Variants in RGS7 observed in about 807,000 individuals in gnomAD.
RGS7 encodes the protein regulator of G-protein signaling 7.
In RGS7, 27 loss-of-function variants were observed where a neutral mutation model predicts 81.1. The ratio of observed to expected loss-of-function variants is 0.33; its 90% CI spans 0.25 to 0.46. The LOEUF is 0.46. RGS7 is among the 20% of genes least tolerant of loss of function. RGS7 has a pLI of 1.00. For synonymous variants in RGS7, 208 were observed against 207.7 expected (o/e 1.00, Z -0.01); for missense variants, 396 against 607.4 (o/e 0.65, Z 3.66).
At chr1:241,246,147 T>G (rs2076529120) in intron 2 of RGS7, among the ~76,000 whole-genome samples, 1 of 151,930 alleles carries the variant, frequency 6.6e-6, no homozygotes, top group Admixed American at 6.6e-5. Flanking sequence ...GTGTCTGTGA[T>G]GATGGGGTGT....
chr1:241,351,079 G>A (rs1444648543), intron 2 of RGS7, among the ~76,000 whole-genome samples: 2 of 152,102 alleles, frequency 1.3e-5, no homozygotes, highest in African/African-American at 2.4e-5. Context: ...CTCTCACTGT[G>A]ACTTCATATA....
intron 6 of RGS7, among the ~76,000 whole-genome samples, chr1:240,921,740 T>C (rs1003463278): frequency 6.6e-6 from 1 of 152,080 alleles, no homozygotes; most frequent in Non-Finnish European, 1.5e-5. Context: ...AAAATTCTTT[T>C]AAAAGAAATC....
chr1:240,904,977 C>A (rs541851893), intron 6 of RGS7, among the ~76,000 whole-genome samples: 37 of 152,112 alleles, frequency 2.4e-4, no homozygotes, highest in Admixed American at 4.6e-4. Flanking sequence ...AACACTTTTG[C>A]CAGTTCAGGG....
At chr1:241,319,152 T>C (rs990629239) in intron 2 of RGS7, among the ~76,000 whole-genome samples, 4 of 152,210 alleles carry the variant, frequency 2.6e-5, no homozygotes, top group Non-Finnish European at 5.9e-5. Context: ...GCCTCTGGCA[T>C]CTTTAACTTG....
intron 2 of RGS7, among the ~76,000 whole-genome samples, chr1:241,274,753 C>T (rs1038310575): frequency 2.0e-5 from 3 of 152,112 alleles, no homozygotes; most frequent in Non-Finnish European, 2.9e-5. Context: ...CATGGAAATG[C>T]CCTGTGGTTA....
intron 2 of RGS7, among the ~76,000 whole-genome samples, chr1:241,175,447 C>G (rs56972576): frequency 0.013 from 2,025 of 152,222 alleles, 53 homozygotes; most frequent in African/African-American, 0.046. Context: ...AATGGTCTCC[C>G]AGGACTCCAC....
intron 6 of RGS7, among the ~76,000 whole-genome samples, chr1:240,893,177 C>G (rs1011800057): frequency 6.6e-6 from 1 of 152,070 alleles, no homozygotes; most frequent in Non-Finnish European, 1.5e-5. Flanking sequence ...CAGTGAAAAT[C>G]GAAGAAGGCT....
At chr1:241,109,656 T>G (rs2065373033) in intron 2 of RGS7, among the ~76,000 whole-genome samples, 2 of 152,120 alleles carry the variant, frequency 1.3e-5, no homozygotes, top group Admixed American at 1.3e-4. Flanking sequence ...TATTTTCTAT[T>G]TGAAATAATT....
chr1:240,793,612 T>TATATATATATATA (rs11270798), intron 18 of RGS7, among the ~76,000 whole-genome samples: 5 of 28,580 alleles, frequency 1.7e-4, no homozygotes, highest in East Asian at 1.1e-3. Flanking sequence ...TATATATATA[T>TATATATATATATA]TTTTTTTTTT....
At chr1:241,337,225 T>G (rs765250213) in intron 2 of RGS7, among the ~76,000 whole-genome samples, 1 of 152,154 alleles carries the variant, frequency 6.6e-6, no homozygotes, top group African/African-American at 2.4e-5. Context: ...TTTCCACCAT[T>G]CTGTACTCCA....
chr1:240,807,434 G>C (rs368441550), intron 14 of RGS7, among the ~76,000 whole-genome samples: 3 of 152,230 alleles, frequency 2.0e-5, no homozygotes, highest in South Asian at 4.1e-4. Flanking sequence ...AGGCTACAGA[G>C]TCTTAAGAGA....
chr1:240,857,938 C>G (rs1484989334), intron 9 of RGS7, among the ~76,000 whole-genome samples: 2 of 152,156 alleles, frequency 1.3e-5, no homozygotes, highest in Non-Finnish European at 2.9e-5. Context: ...TTCTGCCCTT[C>G]TCCGTGCTAC....
At chr1:241,120,593 G>A (rs2066184069) in intron 2 of RGS7, among the ~76,000 whole-genome samples, 1 of 152,092 alleles carries the variant, frequency 6.6e-6, no homozygotes, top group African/African-American at 2.4e-5. Context: ...TGGTCCACCT[G>A]TCTCATCTTC....
chr1:241,229,559 G>A (rs541740456), intron 2 of RGS7, among the ~76,000 whole-genome samples: 2 of 152,332 alleles, frequency 1.3e-5, no homozygotes, highest in East Asian at 3.9e-4. Flanking sequence ...CAAGCTAATT[G>A]AGCTGCTCTA....
chr1:240,935,285 A>C (rs926767260), intron 5 of RGS7, among the ~76,000 whole-genome samples: 1 of 152,150 alleles, frequency 6.6e-6, no homozygotes, highest in Non-Finnish European at 1.5e-5. Context: ...ATTTCTTTAA[A>C]AAAATCAGGA....
chr1:240,952,749 A>C (rs1471919400), intron 4 of RGS7, among the ~76,000 whole-genome samples: 1 of 151,994 alleles, frequency 6.6e-6, no homozygotes, highest in Non-Finnish European at 1.5e-5. Flanking sequence ...AGCAGAGATT[A>C]TCTAAGTGGA....
intron 2 of RGS7, among the ~76,000 whole-genome samples, chr1:241,354,454 G>A (rs893507752): frequency 1.3e-5 from 2 of 152,102 alleles, no homozygotes; most frequent in African/African-American, 4.8e-5. Context: ...GCATTCATAG[G>A]TACACAGTAT....
At chr1:240,919,369 T>C (rs936679872) in intron 6 of RGS7, among the ~76,000 whole-genome samples, 5 of 152,162 alleles carry the variant, frequency 3.3e-5, no homozygotes, top group Admixed American at 3.3e-4. Flanking sequence ...GTATAAAATA[T>C]TATACATCAT....
At chr1:241,033,313 T>C (rs1429983665) in intron 3 of RGS7, among the ~76,000 whole-genome samples, 1 of 152,052 alleles carries the variant, frequency 6.6e-6, no homozygotes, top group Non-Finnish European at 1.5e-5. Context: ...ATTGCCCCAC[T>C]GCACTCCAGC....
Sources: allele counts gnomAD v4.1 joint callset (sites outside exome capture counted in the v4.1 genomes callset), GRCh38; gene constraint gnomAD v4.1.1; transcripts MANE v1.5; gene names NCBI Gene and HGNC (gene_info 2026-07-23, HGNC 2026-07-21).